A1BG: variants seen among roughly 807,000 people sequenced by gnomAD.
A1BG encodes alpha-1-B glycoprotein.
Under a neutral mutation model 46.0 loss-of-function variants are expected in A1BG, and 44 were observed. The observed-to-expected ratio is 0.96, with a 90% confidence interval of 0.75 to 1.23. The LOEUF (loss-of-function observed/expected upper bound fraction) is 1.23, where lower values mean the gene tolerates loss of function less well. Among genes scored for constraint, A1BG ranks in the 50% most tolerant of loss-of-function variants. A1BG has a pLI of 0.00. For missense variants in A1BG, 707 were observed against 688.8 expected, an observed-to-expected ratio of 1.03 and a Z score of -0.30; for synonymous variants, 316 against 314.7, an observed-to-expected ratio of 1.00 and a Z score of -0.04.
At position 58,352,349 on chromosome 19, in the gene A1BG, T is replaced by C. The variant is rs2051968452; in HGVS notation, c.547A>G (p.Ser183Gly). The C allele has an allele frequency of 1.2e-6, 2 of 1,613,892 alleles. No individual in the cohort carries two copies. Among genetic ancestry groups the C allele is most frequent in the Admixed American group, 1.7e-5 (1 of 59,976 alleles). The change falls in exon 4 of 8, where the codon AGC (serine) becomes GGC (glycine). Residue 183 changes from serine to glycine, a missense_variant. By Grantham distance (56) the Ser-to-Gly change is moderately conservative. Transcript: ENST00000263100. ...GCGCCTTCCCCATCGGTCCGGTAGC[T>C]GCAGCTGTAGTTGCCAGGCTGATGG... ...PVHQPGNYSC[S>G]YRTDGEGALS... is the part of the protein sequence containing the mutation.
rs534622150 is a variant in A1BG, at chr19:58,350,473, G to A, written c.1089C>T (p.Asn363=). The A allele has an allele frequency of 9.6e-6, 15 of 1,556,808 alleles. No individual in the cohort carries two copies. Among genetic ancestry groups the A allele is most frequent in the African/African-American group, 6.8e-5 (5 of 73,432 alleles). Residue 363 remains asparagine (N), a synonymous_variant, in exon 6 of 8, where the codon AAC becomes AAT. Coordinates refer to ENST00000263100, the MANE Select transcript of A1BG (RefSeq NM_130786.4). ...AGTTGGCGGAGTCAGCCACGGAAAT[G>A]TTGTGCAGCTCGAAGAGCGCCTCGG... ...AGTEALFELH[N]ISVADSANYS...
At chr19:58,347,214 C>T (rs2051919292) in intron 7 of A1BG, 139 bp downstream of exon 7, 1 of 1,375,678 alleles carries the variant, frequency 7.3e-7, no homozygotes, top group Non-Finnish European at 9.9e-7. Context: ...GCCCGCAATT[C>T]CCCCACGAGC....
In A1BG at chr19:58,346,992, C is replaced by T; in HGVS notation, c.*30G>A. The stretch of plus-strand genomic sequence containing the variant: ...CCAGAATCCCCGGCACTTCTGAGGA[C>T]ACCAACAGCACCCTGGGCCCGCGGC... On this transcript the variant is annotated 3_prime_UTR_variant, in exon 8 of 8. Transcript: ENST00000263100. The T allele has an allele frequency of 6.2e-7, 1 of 1,613,960 alleles. No homozygotes were observed. The highest frequency in any genetic ancestry group is 8.5e-7 in the Non-Finnish European group (1 of 1,179,874).
intron 4 of A1BG, chr19:58,352,001 G>T: frequency 9.3e-7 from 1 of 1,077,552 alleles, no homozygotes; most frequent in Non-Finnish European, 1.3e-6. Context: ...TCGTCATGTT[G>T]GGTAGACTGG....
chr19:58,349,861 C>T (rs2051941870), intron 6 of A1BG: 1 of 153,104 alleles, frequency 6.5e-6, no homozygotes, highest in African/African-American at 2.4e-5. Context: ...ACGGTGCTCC[C>T]AGCAAAGGGT....
At position 58,352,467 on chromosome 19, in the gene A1BG, C is replaced by T. The variant is rs1190622790; in HGVS notation, c.429G>A (p.Leu143=). The change falls in exon 4 of 8, where the codon CTG becomes CTA. Residue 143 remains leucine, a synonymous_variant. Coordinates refer to ENST00000263100, the MANE Select transcript of A1BG (RefSeq NM_130786.4). ...GCCTCAGCAGAAAAGTCACACCCCG[C>T]AGCACACCTCGGCACACTGCTGTTG... ...LKTTAVCRGV[L]RGVTFLLRRE... 1.9e-6 allele frequency: 3 copies of T among 1,613,576 alleles called. No homozygotes were observed. The highest frequency in any genetic ancestry group is 1.7e-5 in the Admixed American group (1 of 59,988).
rs751365497 is a variant in A1BG at position 58,347,422 on chromosome 19, G to C, written c.1411C>G (p.Arg471Gly). 6.8e-6 allele frequency: 11 copies of C among 1,610,844 alleles called. No individual in the cohort carries two copies. The highest frequency in any genetic ancestry group is 9.3e-6 in the Non-Finnish European group (11 of 1,178,926). The change falls in exon 7 of 8, where the codon CGC (arginine) becomes GGC (glycine). Residue 471 changes from arginine to glycine, a missense_variant. Coordinates refer to ENST00000263100, the MANE Select transcript of A1BG (RefSeq NM_130786.4). ...GPQHAGNYRC[R>G]YRSWVPHTFE... ...GTGTGGGGCACCCAGGAGCGGTAGC[G>C]GCACCTGTAGTTGCCGGCGTGCTGG...
Position 58,353,092 on chromosome 19 carries a change from T to C in A1BG, c.176A>G (p.Gln59Arg). 9 of 1,614,174 alleles carry C rather than the reference T, an allele frequency of 5.6e-6. No individual in the cohort carries two copies. Among genetic ancestry groups the C allele is most frequent in the Non-Finnish European group, 7.6e-6 (9 of 1,180,034 alleles). Residue 59 changes from glutamine (Q) to arginine (R), a missense_variant, in exon 3 of 8, where the codon CAG becomes CGG. By Grantham distance (43) the Gln-to-Arg change is conservative (BLOSUM62 1). Coordinates refer to ENST00000263100, the MANE Select transcript of A1BG (RefSeq NM_130786.4). Reference protein sequence around the residue: ...CQAHLETPDFQLFKNGVAQEP... With the variant: ...CQAHLETPDFRLFKNGVAQEP... ...CTGGGCCACCCCATTCTTGAACAGC[T>C]GGAAGTCTGGAGTCTCCAGGTGGGC...
In A1BG at chr19:58,353,093, G is replaced by A; in HGVS notation, c.175C>T (p.Gln59Ter). The part of the protein sequence containing the change: ...CQAHLETPDF[Q>*]LFKNGVAQEP... ...TGGGCCACCCCATTCTTGAACAGCT[G>A]GAAGTCTGGAGTCTCCAGGTGGGCC... Residue 59 changes from glutamine to a stop codon, truncating the protein, a stop_gained, in exon 3 of 8, where the codon CAG becomes TAG. Transcript: ENST00000263100. LOFTEE classifies it high-confidence loss of function. 1 of 1,614,188 alleles carries A rather than the reference G, an allele frequency of 6.2e-7. No homozygotes were observed. Among genetic ancestry groups the A allele is most frequent in the Non-Finnish European group, 8.5e-7 (1 of 1,180,038 alleles).
chr19:58,352,201 A>G (rs1367635751), intron 4 of A1BG, 82 bp downstream of exon 4: 1 of 1,553,672 alleles, frequency 6.4e-7, no homozygotes, highest in Non-Finnish European at 8.7e-7. Context: ...AAGGACATTC[A>G]GCATGGAGGT....
Position 58,346,914 on chromosome 19 carries a change from C to T in A1BG, c.*108G>A. On this transcript the variant is annotated 3_prime_UTR_variant, in exon 8 of 8. Coordinates refer to ENST00000263100, the MANE Select transcript of A1BG (RefSeq NM_130786.4). ...CTGGGAGGAATGAGGGAGGCTTCTC[C>T]AGCCCCCCAGAGACCCCGGCCTTGT... 8.4e-7 allele frequency: 1 copy of T among 1,187,488 alleles called. No individual in the cohort carries two copies. Among genetic ancestry groups the T allele is most frequent in the Non-Finnish European group, 1.3e-6 (1 of 790,834 alleles). 73.6% of individuals were successfully genotyped at this position (1,187,488 alleles called of 1,614,324 possible).
chr19:58,349,464 A>AAT (rs1329320512), intron 6 of A1BG: 2 of 151,896 alleles, frequency 1.3e-5, no homozygotes, highest in Admixed American at 6.6e-5. Flanking sequence ...CAGCCCAGCC[A>AAT]ACATAGCAAA....
At chr19:58,352,010 GGTCTCGATCTC>G in intron 4 of A1BG, 1 of 1,133,942 alleles carries the variant, frequency 8.8e-7, no homozygotes, top group South Asian at 1.7e-5. Flanking sequence ...TGGGTAGACT[GGTCTCGATCTC>G]TTGACCTCAT....
In A1BG at chr19:58,350,241, G is replaced by A. The variant is rs538616108; in HGVS notation, c.1192+129C>T. Reference sequence around the variant, plus strand: ...CCACCGATCGCCTGCTCCCCGCCGGGGTAGGCGATGGGGGCTGAACCAAGG... The same window carrying A: ...CCACCGATCGCCTGCTCCCCGCCGGAGTAGGCGATGGGGGCTGAACCAAGG... On this transcript the variant is annotated intron_variant, in intron 6 of 7. Coordinates refer to ENST00000263100, the MANE Select transcript of A1BG (RefSeq NM_130786.4). 456 of 1,197,452 alleles carry A rather than the reference G, an allele frequency of 3.8e-4. 5 individuals carry two copies. In the South Asian group the frequency reaches 6.9e-3, roughly 18 times the overall value. 74.2% of individuals were successfully genotyped at this position (1,197,452 alleles called of 1,614,324 possible).
chr19:58,353,261 C>G, intron 2 of A1BG, 31 bp downstream of exon 2: 1 of 1,613,954 alleles, frequency 6.2e-7, no homozygotes, highest in Non-Finnish European at 8.5e-7. Context: ...GGCCTGGGCC[C>G]ACCATTCCCA....
At chr19:58,347,152 C>T in intron 7 of A1BG, 123 bp from the exon 8 acceptor site, 2 of 1,390,820 alleles carry the variant, frequency 1.4e-6, no homozygotes, top group Non-Finnish European at 2.0e-6. Flanking sequence ...GGCTGCCAGC[C>T]GAGACCCCCA....
intron 6 of A1BG, chr19:58,349,853 G>C (rs1462806803): frequency 6.5e-6 from 1 of 152,732 alleles, no homozygotes; most frequent in Non-Finnish European, 1.5e-5. Flanking sequence ...AAGAGAAAAC[G>C]GTGCTCCCAG....
At chr19:58,351,791 CA>C in intron 4 of A1BG, 104 bp from the exon 5 acceptor site, 1 of 978,910 alleles carries the variant, frequency 1.0e-6, no homozygotes, top group Non-Finnish European at 1.4e-6. Flanking sequence ...AACACCCTTC[CA>C]TTCTTTTTTT....
chr19:58,351,786 C>T, intron 4 of A1BG, 99 bp from the exon 5 acceptor site: 1 of 1,177,760 alleles, frequency 8.5e-7, no homozygotes, highest in Non-Finnish European at 1.2e-6. Context: ...CCAGGAACAC[C>T]CTTCCATTCT....
Sources: allele counts gnomAD v4.1 joint callset, GRCh38; gene constraint gnomAD v4.1.1; transcripts MANE v1.5; gene names NCBI Gene and HGNC (gene_info 2026-07-23, HGNC 2026-07-21).